The following GLYAT variants were observed in gnomAD, a reference collection of about 807,000 sequenced individuals.
GLYAT encodes glycine N-acyltransferase.
A neutral mutation model predicts 22.8 loss-of-function variants in GLYAT; 25 were observed. The observed-to-expected ratio is 1.09, with a 90% confidence interval of 0.80 to 1.53. The LOEUF (loss-of-function observed/expected upper bound fraction) is 1.53, where lower values mean the gene tolerates loss of function less well. GLYAT is among the 40% of genes most tolerant of loss of function. The probability of loss-of-function intolerance (pLI) is 0.00; values close to 1 mark genes in which losing one functional copy is unlikely to be tolerated. For missense variants in GLYAT, 411 were observed against 353.9 expected (o/e 1.16, Z -1.29); for synonymous variants, 140 against 122.7 (o/e 1.14, Z -0.93).
At chr11:58,722,670 C>A (rs1202233075) in intron 2 of GLYAT, among the ~76,000 whole-genome samples, 1 of 152,080 alleles carries the variant, frequency 6.6e-6, no homozygotes, top group Non-Finnish European at 1.5e-5. Flanking sequence ...TTGCCCTAAG[C>A]AGTTTCCAGC....
chr11:58,724,872 T>C (rs556202754), intron 1 of GLYAT, among the ~76,000 whole-genome samples: 1 of 152,156 alleles, frequency 6.6e-6, no homozygotes, highest in Non-Finnish European at 1.5e-5. Context: ...TCTCTGTACC[T>C]TGGTTTCCTC....
chr11:58,721,757 C>T (rs939120473), intron 2 of GLYAT, among the ~76,000 whole-genome samples: 2 of 151,974 alleles, frequency 1.3e-5, no homozygotes, highest in African/African-American at 4.8e-5. Flanking sequence ...AAAAAGGTGA[C>T]CTTATAATGT....
chr11:58,723,948 T>C (rs117550730), intron 2 of GLYAT, among the ~76,000 whole-genome samples: 2 of 152,210 alleles, frequency 1.3e-5, no homozygotes, highest in East Asian at 3.9e-4. Flanking sequence ...ATTGATCTGT[T>C]ATTAATTTCA....
intron 1 of GLYAT, among the ~76,000 whole-genome samples, chr11:58,725,563 G>T (rs1040278285): frequency 1.3e-5 from 2 of 152,128 alleles, no homozygotes; most frequent in African/African-American, 2.4e-5. Flanking sequence ...ATCTGTACAG[G>T]TCTGTAGCAT....
chr11:58,720,731 A>G (rs1565057983), intron 2 of GLYAT, among the ~76,000 whole-genome samples: 1 of 152,064 alleles, frequency 6.6e-6, no homozygotes, highest in Non-Finnish European at 1.5e-5. Context: ...TAAAAATTAC[A>G]CAAGCAATGA....
Position 58,710,107 on chromosome 11 carries a change from A to T in GLYAT, c.550T>A (p.Phe184Ile). 1.9e-6 allele frequency: 3 copies of T among 1,614,120 alleles called. 1 individual carries two copies. The South Asian group carries it at 3.3e-5, about 18-fold the overall frequency. Residue 184 changes from phenylalanine (F) to isoleucine (I), a missense_variant, in exon 6 of 6, where the codon TTC becomes ATC. Transcript: ENST00000344743. ...DVTHAHLVNKFWHFGGNERSQ... is the reference protein window; with the variant it reads ...DVTHAHLVNKIWHFGGNERSQ... Reference sequence around the variant, plus strand: ...CTCTCATTACCACCAAAATGCCAGAATTTATTCACCAAGTGAGCATGGGTA... The same window carrying T: ...CTCTCATTACCACCAAAATGCCAGATTTTATTCACCAAGTGAGCATGGGTA...
intron 2 of GLYAT, among the ~76,000 whole-genome samples, chr11:58,723,583 G>C (rs979270827): frequency 6.6e-6 from 1 of 151,934 alleles, no homozygotes; most frequent in Non-Finnish European, 1.5e-5. Flanking sequence ...GCACTATATA[G>C]GAATGTCTTC....
At position 58,712,767 on chromosome 11, in the gene GLYAT, C is replaced by T. The variant is rs1856631571; in HGVS notation, c.309G>A (p.Gln103=). The change falls in exon 4 of 6, where the codon CAG becomes CAA. Residue 103 remains glutamine (Q), a synonymous_variant. Transcript: ENST00000344743. ...CCCATTCCTCTTACTTACTTTGAAT[C>T]TGTAAATGCTGTTTCCAGTTGATGA... The part of the protein sequence containing the change: ...PELINWKQHL[Q]IQSSQPSLNE... 7 of 1,612,968 alleles carry T rather than the reference C, an allele frequency of 4.3e-6. No individual in the cohort carries two copies. Among genetic ancestry groups the T allele is most frequent in the Middle Eastern group, 1.6e-4 (1 of 6,072 alleles).
chr11:58,712,556 A>G (rs1047659572), intron 4 of GLYAT, among the ~76,000 whole-genome samples: 10 of 152,176 alleles, frequency 6.6e-5, no homozygotes, highest in African/African-American at 2.4e-4. Context: ...GAATTATACT[A>G]TAGTTCCCTT....
At chr11:58,728,731 T>A (rs1264774310) in intron 1 of GLYAT, 1 of 151,390 alleles carries the variant, frequency 6.6e-6, no homozygotes, top group East Asian at 1.9e-4. Context: ...CTGTCACTGA[T>A]TGAGCTTACG....
chr11:58,730,275 G>A (rs889186531), intron 1 of GLYAT, among the ~76,000 whole-genome samples: 9 of 152,102 alleles, frequency 5.9e-5, no homozygotes, highest in Non-Finnish European at 1.0e-4. Context: ...AAAAGCTTGA[G>A]ACCAGCCTGG....
intron 3 of GLYAT, among the ~76,000 whole-genome samples, chr11:58,714,385 T>C (rs977028072): frequency 6.6e-6 from 1 of 152,300 alleles, no homozygotes; most frequent in Middle Eastern, 3.4e-3. Context: ...ATATTTGTGT[T>C]TTCTGATGTT....
rs780414226 is a variant in GLYAT, at chr11:58,709,964, T to G, written c.693A>C (p.Ala231=). The G allele has an allele frequency of 6.2e-7, 1 of 1,614,096 alleles. No individual in the cohort carries two copies. The highest frequency in any genetic ancestry group is 8.5e-7 in the Non-Finnish European group (1 of 1,179,972). ...GGAGCCGGTATTCCGGCAAGGTGCCTGCCATTCTCATCTCTCCAGTCTGGT... is the reference window on the plus strand; with the variant it reads ...GGAGCCGGTATTCCGGCAAGGTGCCGGCCATTCTCATCTCTCCAGTCTGGT... ...LMDQTGEMRM[A]GTLPEYRLHG... Residue 231 remains alanine (A), a synonymous_variant, in exon 6 of 6, where the codon GCA becomes GCC. Transcript: ENST00000344743.
chr11:58,713,172 A>ATAT (rs1197198554), intron 3 of GLYAT, among the ~76,000 whole-genome samples: 6 of 152,172 alleles, frequency 3.9e-5, no homozygotes, highest in Non-Finnish European at 8.8e-5. Flanking sequence ...GAAATATACA[A>ATAT]TACATTGCTG....
At position 58,710,056 on chromosome 11, in the gene GLYAT, T is replaced by A. The variant is rs755173392; in HGVS notation, c.601A>T (p.Ile201Phe). Residue 201 changes from isoleucine to phenylalanine, a missense_variant, in exon 6 of 6, where the codon ATT becomes TTT. Physicochemically the swap from Ile to Phe is conservative, Grantham distance 21. Transcript: ENST00000344743. ...AGACAGCAGGTGGGAAAGGTCTGAA[T>A]GCAGCGCTCAATGAATCTCTGGCTC... ...ERSQRFIERC[I>F]QTFPTCCLLG... is the part of the protein sequence containing the mutation. 1 of 1,614,090 alleles carries A rather than the reference T, an allele frequency of 6.2e-7. No individual in the cohort carries two copies. Among genetic ancestry groups the A allele is most frequent in the African/African-American group, 1.3e-5 (1 of 75,046 alleles).
In GLYAT at chr11:58,731,283, C is replaced by G. The variant is rs565841820; in HGVS notation, c.-16+552G>C. The stretch of plus-strand genomic sequence containing the variant: ...TAGTAATTTTTCTGGTGTCTCCACA[C>G]ACTCAGTATTCTATTCATCCACCTG... On this transcript the variant is annotated intron_variant, in intron 1 of 5. Transcript: ENST00000344743. Among the ~76,000 whole-genome samples, 7 of 152,294 alleles carry G rather than the reference C, an allele frequency of 4.6e-5. No homozygotes were observed. In the East Asian group the frequency reaches 1.3e-3, roughly 29 times the overall value.
At chr11:58,715,801 T>A (rs1437598300) in intron 2 of GLYAT, among the ~76,000 whole-genome samples, 1 of 152,186 alleles carries the variant, frequency 6.6e-6, no homozygotes, top group Non-Finnish European at 1.5e-5. Context: ...ATTACATGGA[T>A]GCATCACAGT....
chr11:58,728,890 G>GAAAGA (rs1365145810), intron 1 of GLYAT, among the ~76,000 whole-genome samples: 2 of 73,440 alleles, frequency 2.7e-5, no homozygotes, highest in Non-Finnish European at 5.6e-5. Flanking sequence ...AAGAAAGAAA[G>GAAAGA]AAGGAAGGAA....
intron 4 of GLYAT, among the ~76,000 whole-genome samples, chr11:58,712,501 G>T (rs529942142): frequency 6.6e-6 from 1 of 152,066 alleles, no homozygotes; most frequent in South Asian, 2.1e-4. Flanking sequence ...ACCCTAAAAG[G>T]TCTGGATACA....
Sources: gnomAD v4.1 joint callset for allele counts (sites outside exome capture counted in the v4.1 genomes callset) on GRCh38, gnomAD v4.1.1 for gene constraint, MANE v1.5 for transcripts, NCBI Gene and HGNC (gene_info 2026-07-23, HGNC 2026-07-21) for gene names.